Variants in EXOC6 observed in about 807,000 individuals in gnomAD.
EXOC6 encodes the protein SEC15-like 1.
In EXOC6, 60 loss-of-function variants were observed where a neutral mutation model predicts 112.5. That is an observed-to-expected ratio of 0.53 (90% CI 0.43 to 0.66). The LOEUF (loss-of-function observed/expected upper bound fraction) is 0.66. EXOC6 is among the 30% of genes least tolerant of loss of function. EXOC6 has a pLI of 0.00. For missense variants in EXOC6, 855 were observed against 957.1 expected, an observed-to-expected ratio of 0.89 and a Z score of 1.41; for synonymous variants, 295 against 308.0, an observed-to-expected ratio of 0.96 and a Z score of 0.44.
At position 92,954,657 on chromosome 10, in the gene EXOC6, A is replaced by G. The variant is rs1254748646; in HGVS notation, c.1554A>G (p.Arg518=). 6.2e-7 allele frequency: 1 copy of G among 1,604,862 alleles called. No individual in the cohort carries two copies. Among genetic ancestry groups the G allele is most frequent in the Non-Finnish European group, 8.5e-7 (1 of 1,173,380 alleles). Residue 518 remains arginine, a synonymous_variant, in exon 16 of 22, where the codon AGA becomes AGG. Coordinates refer to ENST00000260762, the MANE Select transcript of EXOC6 (RefSeq NM_019053.6). ...CAACAGAAATAGACGATATGCTTAGAAAATCAACAAATCTGCTGCTGACCA... is the reference window on the plus strand; with the variant it reads ...CAACAGAAATAGACGATATGCTTAGGAAATCAACAAATCTGCTGCTGACCA... ...RSSTEIDDML[R]KSTNLLLTRT...
At position 92,909,641 on chromosome 10, in the gene EXOC6, A is replaced by G. The variant is rs756250938; in HGVS notation, c.663+10A>G. ...AACAGCAATGAAACAGGTGAGATTA[A>G]AAATAATTTTGATTTAATATTATTT... On this transcript the variant is annotated intron_variant, in intron 6 of 21. Coordinates refer to ENST00000260762, the MANE Select transcript of EXOC6 (RefSeq NM_019053.6). 1.3e-5 allele frequency: 20 copies of G among 1,543,990 alleles called. No individual in the cohort carries two copies. In the East Asian group the frequency reaches 4.1e-4, roughly 32 times the overall value.
chr10:92,907,367 A>C (rs1850501793), intron 5 of EXOC6, among the ~76,000 whole-genome samples: 1 of 152,162 alleles, frequency 6.6e-6, no homozygotes, highest in South Asian at 2.1e-4. Context: ...CAACCCCCTG[A>C]CCTTAACTCT....
intron 20 of EXOC6, among the ~76,000 whole-genome samples, chr10:93,056,365 C>T (rs948097519): frequency 1.3e-5 from 2 of 152,182 alleles, no homozygotes; most frequent in Non-Finnish European, 2.9e-5. Flanking sequence ...GCCCTCATTT[C>T]ATAATACTAC....
At chr10:92,991,332 A>G (rs371862481) in intron 18 of EXOC6, among the ~76,000 whole-genome samples, 1 of 150,518 alleles carries the variant, frequency 6.6e-6, no homozygotes, top group Non-Finnish European at 1.5e-5. Context: ...GCTACTCGGG[A>G]GGCTGAGGCA....
At chr10:93,018,433 T>A (rs1802870715) in intron 20 of EXOC6, among the ~76,000 whole-genome samples, 1 of 152,174 alleles carries the variant, frequency 6.6e-6, no homozygotes, top group Non-Finnish European at 1.5e-5. Context: ...TTACTCATAG[T>A]CTTTCTACCC....
chr10:93,027,515 G>C (rs1251078982), intron 20 of EXOC6, among the ~76,000 whole-genome samples: 1 of 152,108 alleles, frequency 6.6e-6, no homozygotes, highest in Non-Finnish European at 1.5e-5. Context: ...AGTTTCAAAG[G>C]ACATTCAGAC....
intron 11 of EXOC6, 140 bp downstream of exon 11, chr10:92,934,570 C>G (rs1050365004): frequency 1.4e-6 from 1 of 693,522 alleles, no homozygotes; most frequent in East Asian, 3.2e-5. Flanking sequence ...GTAGTAATGT[C>G]AGGCTTTTGT....
chr10:92,947,314 G>T (rs138538310), intron 13 of EXOC6, among the ~76,000 whole-genome samples: 51 of 152,244 alleles, frequency 3.3e-4, no homozygotes, highest in African/African-American at 1.2e-3. Flanking sequence ...AAGGAGGTTT[G>T]CACAATTGGC....
intron 20 of EXOC6, among the ~76,000 whole-genome samples, chr10:93,052,125 A>G (rs1392560937): frequency 6.6e-6 from 1 of 152,222 alleles, no homozygotes; most frequent in African/African-American, 2.4e-5. Flanking sequence ...AAGACCCAAA[A>G]CAAAGAAAGC....
At chr10:92,875,507 CT>C (rs1250631819) in intron 1 of EXOC6, among the ~76,000 whole-genome samples, 3 of 152,150 alleles carry the variant, frequency 2.0e-5, no homozygotes, top group Non-Finnish European at 4.4e-5. Context: ...TAGATTGCCC[CT>C]GAGACCTGTG....
chr10:92,935,734 C>A, intron 11 of EXOC6, 80 bp from the exon 12 acceptor site: 2 of 992,958 alleles, frequency 2.0e-6, no homozygotes, highest in Non-Finnish European at 1.5e-6. Context: ...TTATCAATTT[C>A]TTATTTCTTA....
intron 8 of EXOC6, among the ~76,000 whole-genome samples, chr10:92,925,584 T>C (rs1851669991): frequency 1.3e-5 from 2 of 152,170 alleles, no homozygotes; most frequent in Non-Finnish European, 2.9e-5. Context: ...CGTGAGCCAA[T>C]GCACCTGGCG....
At chr10:93,003,846 G>T (rs1843864562) in intron 19 of EXOC6, among the ~76,000 whole-genome samples, 1 of 152,138 alleles carries the variant, frequency 6.6e-6, no homozygotes, top group Non-Finnish European at 1.5e-5. Context: ...AGATGGATAA[G>T]ATTTCACCAA....
intron 17 of EXOC6, among the ~76,000 whole-genome samples, chr10:92,956,435 A>T (rs1853697271): frequency 6.6e-6 from 1 of 152,142 alleles, no homozygotes. Flanking sequence ...ATTCTCTTTA[A>T]CTACTTTTGT....
chr10:93,029,004 A>G (rs758684362), intron 20 of EXOC6, among the ~76,000 whole-genome samples: 11 of 152,164 alleles, frequency 7.2e-5, no homozygotes, highest in Non-Finnish European at 1.6e-4. Flanking sequence ...GGAAGAGTCA[A>G]TTGATGCAGT....
In EXOC6 at chr10:93,058,210, C is replaced by T. The variant is rs1228522597; in HGVS notation, c.2283-13C>T. 1.3e-6 allele frequency: 2 copies of T among 1,595,968 alleles called. No individual in the cohort carries two copies. The highest frequency in any genetic ancestry group is 2.3e-5 in the East Asian group (1 of 44,204). On this transcript the variant is annotated splice_polypyrimidine_tract_variant and intron_variant, in intron 21 of 21. Coordinates refer to ENST00000260762, the MANE Select transcript of EXOC6 (RefSeq NM_019053.6). ...TTCTTTTACCAAGCTTCTTCATTCA[C>T]ATATGTTTCTAGGATGAAGGATACT...
At chr10:92,971,770 T>C (rs1236610325) in intron 17 of EXOC6, among the ~76,000 whole-genome samples, 1 of 152,208 alleles carries the variant, frequency 6.6e-6, no homozygotes, top group Admixed American at 6.5e-5. Context: ...TCTTAAGTTT[T>C]TGTCTTATAA....
chr10:93,018,147 C>G (rs1052926180), intron 20 of EXOC6, among the ~76,000 whole-genome samples: 2 of 151,570 alleles, frequency 1.3e-5, no homozygotes, highest in Non-Finnish European at 2.9e-5. Flanking sequence ...ACCTCATAAC[C>G]AACAGCAATG....
intron 13 of EXOC6, 50 bp from the exon 14 acceptor site, chr10:92,948,224 C>A: frequency 8.2e-7 from 1 of 1,221,396 alleles, no homozygotes; most frequent in Non-Finnish European, 1.2e-6. Flanking sequence ...TTTTAGTACT[C>A]TAATAATATG....
Sources: gnomAD v4.1 joint callset for allele counts (sites outside exome capture counted in the v4.1 genomes callset) on GRCh38, gnomAD v4.1.1 for gene constraint, MANE v1.5 for transcripts, NCBI Gene and HGNC (gene_info 2026-07-23, HGNC 2026-07-21) for gene names.